HTR1F: variants seen among roughly 807,000 people sequenced by gnomAD.
The protein encoded by HTR1F is 5-hydroxytryptamine (serotonin) receptor 1F, G protein-coupled.
A neutral mutation model predicts 24.0 loss-of-function variants in HTR1F; 17 were observed. The observed-to-expected ratio is 0.71, with a 90% CI of 0.48 to 1.06. HTR1F has a LOEUF of 1.06. HTR1F is among the 50% of genes least tolerant of loss of function. The pLI, the probability that HTR1F is intolerant of heterozygous loss-of-function variation, is 0.00. For missense variants in HTR1F, 391 were observed against 427.8 expected (o/e 0.91, Z 0.76); for synonymous variants, 186 against 156.8 (o/e 1.19, Z -1.39).
chr3:87,939,435 T>A (rs567605501), intron 2 of HTR1F, among the ~76,000 whole-genome samples: 2 of 152,324 alleles, frequency 1.3e-5, no homozygotes, highest in South Asian at 4.1e-4. Context: ...TTTGGAATAA[T>A]TTCAGAAGGA....
chr3:87,873,232 C>T (rs1705599335), intron 2 of HTR1F, among the ~76,000 whole-genome samples: 1 of 151,770 alleles, frequency 6.6e-6, no homozygotes, highest in Non-Finnish European at 1.5e-5. Flanking sequence ...ACTAGAAACG[C>T]CAGTAGTATA....
chr3:87,871,631 A>C (rs908791903), intron 2 of HTR1F, among the ~76,000 whole-genome samples: 5 of 152,086 alleles, frequency 3.3e-5, no homozygotes, highest in Non-Finnish European at 7.4e-5. Context: ...GTTGAAAGTG[A>C]AAAGCAAAAA....
intron 2 of HTR1F, among the ~76,000 whole-genome samples, chr3:87,865,977 T>C (rs530249222): frequency 7.2e-5 from 11 of 152,164 alleles, no homozygotes; most frequent in Non-Finnish European, 1.6e-4. Context: ...AGGGTTTCAT[T>C]TGCTCCACAT....
chr3:87,983,914 T>C (rs986450171), intron 2 of HTR1F, among the ~76,000 whole-genome samples: 1 of 152,222 alleles, frequency 6.6e-6, no homozygotes, highest in Admixed American at 6.5e-5. Context: ...AAGCTGTACC[T>C]TGCCACCTGC....
chr3:87,970,804 T>C (rs190499963), intron 2 of HTR1F, among the ~76,000 whole-genome samples: 9 of 152,354 alleles, frequency 5.9e-5, no homozygotes, highest in African/African-American at 1.9e-4. Context: ...CTAGTTACCA[T>C]GTGCTTCCCC....
intron 2 of HTR1F, among the ~76,000 whole-genome samples, chr3:87,835,558 A>G (rs1704666979): frequency 6.6e-6 from 1 of 152,346 alleles, no homozygotes; most frequent in South Asian, 2.1e-4. Context: ...CAAAAACTTT[A>G]GAAGTCACAA....
At chr3:87,958,205 G>T (rs545219291) in intron 2 of HTR1F, among the ~76,000 whole-genome samples, 1 of 151,518 alleles carries the variant, frequency 6.6e-6, no homozygotes, top group African/African-American at 2.4e-5. Context: ...TGTGTATTCT[G>T]CAGTTGTTGG....
At chr3:87,922,789 T>C (rs1375266482) in intron 2 of HTR1F, among the ~76,000 whole-genome samples, 2 of 151,676 alleles carry the variant, frequency 1.3e-5, no homozygotes, top group Non-Finnish European at 3.0e-5. Flanking sequence ...CCTTCCCCAG[T>C]GCATGTTCTT....
chr3:87,965,156 A>ATGTGAAGTCACTTGT (rs1447510825), intron 2 of HTR1F, among the ~76,000 whole-genome samples: 2 of 152,146 alleles, frequency 1.3e-5, no homozygotes, highest in Admixed American at 6.5e-5. Context: ...CCCCTGTGTG[A>ATGTGAAGTCACTTGT]TGTGAAGTCA....
chr3:87,918,539 A>T (rs903530494), intron 2 of HTR1F, among the ~76,000 whole-genome samples: 1 of 152,096 alleles, frequency 6.6e-6, no homozygotes, highest in African/African-American at 2.4e-5. Flanking sequence ...CCAGATACAA[A>T]ATTAGTGTAC....
chr3:87,918,212 G>T (rs1328613606), intron 2 of HTR1F, among the ~76,000 whole-genome samples: 2 of 151,804 alleles, frequency 1.3e-5, no homozygotes, highest in African/African-American at 4.8e-5. Context: ...ACATACAAGG[G>T]ACATACGTCA....
chr3:87,813,252 C>T (rs1394256398), intron 1 of HTR1F, among the ~76,000 whole-genome samples: 1 of 152,138 alleles, frequency 6.6e-6, no homozygotes, highest in African/African-American at 2.4e-5. Flanking sequence ...ATCAGCGTGC[C>T]CTGTATTTGA....
chr3:87,962,961 T>C (rs1250817551), intron 2 of HTR1F, among the ~76,000 whole-genome samples: 4 of 151,700 alleles, frequency 2.6e-5, no homozygotes, highest in Non-Finnish European at 1.5e-5. Context: ...AAATTATGTA[T>C]TTTTTTTACT....
chr3:87,920,024 T>C (rs892519244), intron 2 of HTR1F, among the ~76,000 whole-genome samples: 3 of 105,160 alleles, frequency 2.9e-5, no homozygotes, highest in African/African-American at 1.2e-4. Flanking sequence ...GATATATATG[T>C]AATATTATAT....
intron 2 of HTR1F, among the ~76,000 whole-genome samples, chr3:87,957,666 T>A (rs1158127067): frequency 6.6e-6 from 1 of 151,438 alleles, no homozygotes; most frequent in African/African-American, 2.4e-5. Flanking sequence ...CCATTTAATC[T>A]AAGTTGCCTA....
At chr3:87,899,850 G>A (rs1042640311) in intron 2 of HTR1F, among the ~76,000 whole-genome samples, 7 of 152,160 alleles carry the variant, frequency 4.6e-5, no homozygotes, top group Admixed American at 2.6e-4. Context: ...GTGGCAGAGC[G>A]AGATTCTGTC....
intron 2 of HTR1F, among the ~76,000 whole-genome samples, chr3:87,871,797 C>T (rs1389894871): frequency 1.3e-5 from 2 of 152,004 alleles, no homozygotes; most frequent in Admixed American, 1.3e-4. Context: ...AAATAGGCAG[C>T]AGCACATTAA....
chr3:87,954,291 AT>A, intron 2 of HTR1F, among the ~76,000 whole-genome samples: 1 of 151,968 alleles, frequency 6.6e-6, no homozygotes, highest in East Asian at 1.9e-4. Flanking sequence ...ATTTATCAAA[AT>A]ATCACTTGTA....
chr3:87,906,984 CA>C (rs1226003576), intron 2 of HTR1F, among the ~76,000 whole-genome samples: 5 of 152,022 alleles, frequency 3.3e-5, no homozygotes, highest in Non-Finnish European at 7.4e-5. Context: ...CCACTTGTGC[CA>C]CTATAAATAT....
Sources: gnomAD v4.1 joint callset for allele counts (sites outside exome capture counted in the v4.1 genomes callset) on GRCh38, gnomAD v4.1.1 for gene constraint, MANE v1.5 for transcripts, NCBI Gene and HGNC (gene_info 2026-07-23, HGNC 2026-07-21) for gene names.